Variants in SLC30A8 observed in about 807,000 individuals in gnomAD.
SLC30A8 encodes the protein solute carrier family 30 member 8.
A neutral mutation model predicts 36.9 loss-of-function variants in SLC30A8; 27 were observed. The observed-to-expected ratio is 0.73, with a 90% CI of 0.54 to 1.01. SLC30A8 has a LOEUF of 1.01. Ranked by LOEUF, SLC30A8 falls within the 50% of genes least tolerant of loss-of-function variation. SLC30A8 has a pLI of 0.00. For synonymous variants in SLC30A8, 164 were observed against 172.4 expected, an observed-to-expected ratio of 0.95 and a Z score of 0.38; for missense variants, 439 against 452.0, an observed-to-expected ratio of 0.97 and a Z score of 0.26.
At chr8:116,954,849 A>T (rs926366745) in intron 1 of SLC30A8, among the ~76,000 whole-genome samples, 1 of 152,214 alleles carries the variant, frequency 6.6e-6, no homozygotes, top group Non-Finnish European at 1.5e-5. Flanking sequence ...TCAATGATGT[A>T]AATAAGAGTA....
chr8:117,050,413 T>C (rs1041114971), intron 2 of SLC30A8, among the ~76,000 whole-genome samples: 25 of 151,790 alleles, frequency 1.6e-4, no homozygotes, highest in African/African-American at 5.1e-4. Context: ...TCTTTCTTTT[T>C]TTTTTTTTTT....
intron 1 of SLC30A8, among the ~76,000 whole-genome samples, chr8:116,982,610 C>T (rs922554216): frequency 6.6e-6 from 1 of 152,128 alleles, no homozygotes; most frequent in Non-Finnish European, 1.5e-5. Flanking sequence ...TGGAACCTGT[C>T]CACTGATCAA....
At chr8:117,089,198 G>A (rs1819007958) in intron 2 of SLC30A8, among the ~76,000 whole-genome samples, 1 of 152,086 alleles carries the variant, frequency 6.6e-6, no homozygotes, top group African/African-American at 2.4e-5. Context: ...CTACCTAGGT[G>A]GGCTTTTCTA....
Position 117,005,066 on chromosome 8 carries a change from C to T in SLC30A8, c.-265-34153C>T, listed in dbSNP as rs12547184. ...CAATTCAGTGGTTTTACTATTTACACAGAGTTGTGTAACCGTTACCACAGT... is the reference window on the plus strand; with the variant it reads ...CAATTCAGTGGTTTTACTATTTACATAGAGTTGTGTAACCGTTACCACAGT... On this transcript the variant is annotated intron_variant, in intron 1 of 10. Transcript: ENST00000427715. 0.017 allele frequency among the ~76,000 whole-genome samples: 2,534 copies of T among 152,204 alleles called. 98 individuals are homozygous for T. In the East Asian group the frequency reaches 0.17, roughly 10 times the overall value.
intron 2 of SLC30A8, among the ~76,000 whole-genome samples, chr8:117,151,771 C>G (rs1822201527): frequency 6.6e-6 from 1 of 152,180 alleles, no homozygotes; most frequent in African/African-American, 2.4e-5. Context: ...CTTATTAACA[C>G]AGTTTTATCA....
intron 2 of SLC30A8, among the ~76,000 whole-genome samples, chr8:117,083,099 A>T (rs1295521829): frequency 6.6e-6 from 1 of 152,140 alleles, no homozygotes; most frequent in African/African-American, 2.4e-5. Context: ...TATTCCATTT[A>T]CTTTCCCCAC....
intron 1 of SLC30A8, among the ~76,000 whole-genome samples, chr8:117,039,051 A>G (rs1329455545): frequency 6.6e-6 from 1 of 152,216 alleles, no homozygotes; most frequent in African/African-American, 2.4e-5. Context: ...GGAGACTCTC[A>G]TTTCTGACCT....
intron 1 of SLC30A8, among the ~76,000 whole-genome samples, chr8:117,036,245 G>A (rs1817211010): frequency 6.6e-6 from 1 of 152,004 alleles, no homozygotes; most frequent in South Asian, 2.1e-4. Context: ...GAAGTTAATT[G>A]CCCATATCAC....
intron 1 of SLC30A8, among the ~76,000 whole-genome samples, chr8:117,008,237 A>G (rs1280849918): frequency 1.3e-5 from 2 of 152,236 alleles, no homozygotes; most frequent in Non-Finnish European, 2.9e-5. Flanking sequence ...AATAATACCA[A>G]TAAGAACCCT....
At chr8:117,155,880 G>A (rs1822457343) in intron 3 of SLC30A8, among the ~76,000 whole-genome samples, 1 of 151,976 alleles carries the variant, frequency 6.6e-6, no homozygotes, top group Non-Finnish European at 1.5e-5. Flanking sequence ...ATGTTTACAT[G>A]GCATTTTCCC....
intron 1 of SLC30A8, among the ~76,000 whole-genome samples, chr8:116,976,822 CTTTT>C (rs763561636): frequency 8.9e-4 from 31 of 34,888 alleles, no homozygotes; most frequent in African/African-American, 1.7e-3. Context: ...TTCTTTCTTT[CTTTT>C]TTTTTTTTTT....
At chr8:117,092,395 G>A (rs1410276120) in intron 2 of SLC30A8, among the ~76,000 whole-genome samples, 1 of 151,466 alleles carries the variant, frequency 6.6e-6, no homozygotes, top group Admixed American at 6.6e-5. Flanking sequence ...GATGAGTTAA[G>A]AGAGAAGACA....
intron 2 of SLC30A8, among the ~76,000 whole-genome samples, chr8:117,089,508 ACT>A (rs1819019817): frequency 6.6e-6 from 1 of 151,772 alleles, no homozygotes; most frequent in South Asian, 2.1e-4. Flanking sequence ...GTCATCAGAA[ACT>A]CTTATGTTTG....
At chr8:116,975,771 T>C (rs1423183095) in intron 1 of SLC30A8, among the ~76,000 whole-genome samples, 1 of 152,248 alleles carries the variant, frequency 6.6e-6, no homozygotes, top group Non-Finnish European at 1.5e-5. Context: ...TTAATCTAAA[T>C]TGAAGGTCCA....
chr8:116,969,520 C>G (rs1384595329), intron 1 of SLC30A8, among the ~76,000 whole-genome samples: 2 of 152,162 alleles, frequency 1.3e-5, no homozygotes, highest in Non-Finnish European at 2.9e-5. Context: ...TACAGGCATG[C>G]ATCACTTAAT....
At chr8:117,143,556 T>G (rs1312981776) in intron 1 of SLC30A8, among the ~76,000 whole-genome samples, 1 of 152,134 alleles carries the variant, frequency 6.6e-6, no homozygotes, top group Non-Finnish European at 1.5e-5. Flanking sequence ...ATGACTTGAC[T>G]TTAATGAGAT....
chr8:117,064,295 CT>C, intron 2 of SLC30A8, among the ~76,000 whole-genome samples: 1 of 152,092 alleles, frequency 6.6e-6, no homozygotes, highest in East Asian at 1.9e-4. Flanking sequence ...TGGGTCTGAC[CT>C]AAAATCCTTG....
intron 1 of SLC30A8, among the ~76,000 whole-genome samples, chr8:117,027,009 G>A (rs1201407580): frequency 1.3e-5 from 2 of 152,114 alleles, no homozygotes; most frequent in African/African-American, 2.4e-5. Context: ...TAAAAGAGAT[G>A]TCTGAAAGCC....
rs534104429 is a variant in SLC30A8, at chr8:116,962,132, A to G, written c.-266+11013A>G. ...TAATTTAATCTATTTCTGGTGTTCC[A>G]TTGAAGACAAATTGTTTGCCATATA... On this transcript the variant is annotated intron_variant, in intron 1 of 10. Coordinates refer to the SLC30A8 transcript ENST00000427715. Among the ~76,000 whole-genome samples, 111 of 152,138 alleles carry G rather than the reference A, an allele frequency of 7.3e-4. 4 individuals carry two copies. The South Asian group carries it at 0.02, about 27-fold the overall frequency.
Sources: allele counts gnomAD v4.1 joint callset (sites outside exome capture counted in the v4.1 genomes callset), GRCh38; gene constraint gnomAD v4.1.1; transcripts MANE v1.5; gene names NCBI Gene and HGNC (gene_info 2026-07-23, HGNC 2026-07-21).